CLEC16A: variants seen among roughly 807,000 people sequenced by gnomAD.
CLEC16A encodes the protein C-type lectin domain containing 16A.
In CLEC16A, 51 loss-of-function variants were observed where a neutral mutation model predicts 109.5. The observed-to-expected ratio is 0.47, with a 90% CI of 0.37 to 0.59. CLEC16A has a LOEUF of 0.59. Among genes scored for constraint, CLEC16A ranks in the 20% least tolerant of loss-of-function variants. The pLI, the probability that CLEC16A is intolerant of heterozygous loss-of-function variation, is 0.00. For missense variants in CLEC16A, 1,339 were observed against 1,394.0 expected, an observed-to-expected ratio of 0.96 and a Z score of 0.63; for synonymous variants, 673 against 564.2, an observed-to-expected ratio of 1.19 and a Z score of -2.73.
At chr16:10,945,508 A>G (rs769977016) in intron 1 of CLEC16A, among the ~76,000 whole-genome samples, 30 of 152,104 alleles carry the variant, frequency 2.0e-4, no homozygotes, top group Non-Finnish European at 2.9e-5. Context: ...GGGTCTTGGG[A>G]CCAGGAGTGC....
At chr16:11,155,688 T>C (rs1039187398) in intron 22 of CLEC16A, among the ~76,000 whole-genome samples, 2 of 152,218 alleles carry the variant, frequency 1.3e-5, no homozygotes, top group Non-Finnish European at 2.9e-5. Context: ...TGATGTGTCA[T>C]AGAACGTCAT....
At chr16:11,005,991 GT>G (rs1243064377) in intron 11 of CLEC16A, among the ~76,000 whole-genome samples, 1 of 151,004 alleles carries the variant, frequency 6.6e-6, no homozygotes, top group East Asian at 1.9e-4. Context: ...GTGAAGATAC[GT>G]TGATATTTGC....
Position 11,103,243 on chromosome 16 carries a change from C to G in CLEC16A, c.2117-17372C>G, listed in dbSNP as rs562508124. Among the ~76,000 whole-genome samples the G allele has an allele frequency of 2.6e-5, 4 of 152,322 alleles. No homozygotes were observed. In the East Asian group the frequency reaches 7.7e-4, roughly 30 times the overall value. ...GAGGCCCAGTGGCGCTGCTCTCCACCTCTGCTTGGCCCATTGCTGGGCTTC... is the reference window on the plus strand; with the variant it reads ...GAGGCCCAGTGGCGCTGCTCTCCACGTCTGCTTGGCCCATTGCTGGGCTTC... On this transcript the variant is annotated intron_variant, in intron 19 of 23. Coordinates refer to ENST00000409790, the MANE Select transcript of CLEC16A (RefSeq NM_015226.3).
Position 10,948,282 on chromosome 16 carries a change from T to G in CLEC16A, c.80+3485T>G, listed in dbSNP as rs569349230. 6.6e-5 allele frequency among the ~76,000 whole-genome samples: 10 copies of G among 152,362 alleles called. No homozygotes were observed. In the East Asian group the frequency reaches 1.7e-3, roughly 26 times the overall value. ...TGGAAACTGTTTTTAGCTTCATTAT[T>G]CTTTGTAACACTCCCAGCTTGCAAA... On this transcript the variant is annotated intron_variant, in intron 1 of 23. Transcript: ENST00000409790.
intron 19 of CLEC16A, among the ~76,000 whole-genome samples, chr16:11,114,883 A>T (rs997682158): frequency 3.3e-5 from 5 of 152,334 alleles, no homozygotes; most frequent in Non-Finnish European, 2.9e-5. Flanking sequence ...CAGCCTCTGA[A>T]AAGCGAGAGC....
chr16:11,090,904 A>G (rs1171578555), intron 19 of CLEC16A, among the ~76,000 whole-genome samples: 1 of 146,788 alleles, frequency 6.8e-6, no homozygotes, highest in Non-Finnish European at 1.5e-5. Context: ...TCCTGACCTC[A>G]AGTAATCCAC....
chr16:10,979,459 A>G, intron 9 of CLEC16A, 77 bp downstream of exon 9: 2 of 1,283,230 alleles, frequency 1.6e-6, no homozygotes, highest in East Asian at 2.4e-5. Flanking sequence ...GAAAATCCCC[A>G]GGCCTTATCA....
At chr16:11,171,794 A>G (rs1033062421) in intron 23 of CLEC16A, among the ~76,000 whole-genome samples, 1 of 151,974 alleles carries the variant, frequency 6.6e-6, no homozygotes, top group African/African-American at 2.4e-5. Context: ...ACACATGCCA[A>G]TGCGCATGTT....
At chr16:10,974,705 C>A (rs2146467062) in intron 7 of CLEC16A, among the ~76,000 whole-genome samples, 1 of 152,314 alleles carries the variant, frequency 6.6e-6, no homozygotes, top group African/African-American at 2.4e-5. Flanking sequence ...CCAGGGCAGA[C>A]CCATTGGAGC....
At chr16:10,979,300 T>C (rs1244887854) in intron 8 of CLEC16A, 29 bp from the exon 9 acceptor site, 5 of 1,604,086 alleles carry the variant, frequency 3.1e-6, no homozygotes, top group Non-Finnish European at 3.4e-6. Flanking sequence ...ACCTGATCTC[T>C]CTCTCTCTCT....
chr16:10,964,297 C>A (rs930536116), intron 3 of CLEC16A, among the ~76,000 whole-genome samples: 1 of 152,246 alleles, frequency 6.6e-6, no homozygotes, highest in African/African-American at 2.4e-5. Context: ...TCCCTTGTTA[C>A]CAGCGCCTGT....
At position 10,961,636 on chromosome 16, in the gene CLEC16A, A is replaced by C. The variant is rs115655843; in HGVS notation, c.210-819A>C. On this transcript the variant is annotated intron_variant, in intron 2 of 23. Coordinates refer to ENST00000409790, the MANE Select transcript of CLEC16A (RefSeq NM_015226.3). This position sits in a 1 kb window ranked among gnomAD's most constrained non-coding sequence, Gnocchi z 4.3. ...ACAAGTATCCTATCCACAAGGAGAAAGGCAGAAACAGACCTGGGGATGGGT... is the reference window on the plus strand; with the variant it reads ...ACAAGTATCCTATCCACAAGGAGAACGGCAGAAACAGACCTGGGGATGGGT... Among the ~76,000 whole-genome samples the C allele has an allele frequency of 2.5e-3, 377 of 152,350 alleles. 3 individuals are homozygous for C. The highest frequency in any genetic ancestry group is 8.5e-3 in the African/African-American group (354 of 41,584).
chr16:11,017,954 A>C (rs1478038302), intron 11 of CLEC16A, among the ~76,000 whole-genome samples: 1 of 151,912 alleles, frequency 6.6e-6, no homozygotes, highest in Non-Finnish European at 1.5e-5. Flanking sequence ...AATCTGCCCA[A>C]AGTGTAGAGT....
Position 11,126,102 on chromosome 16 carries a change from C to A in CLEC16A, c.2597C>A (p.Pro866His). 1 of 1,613,924 alleles carries A rather than the reference C, an allele frequency of 6.2e-7. No homozygotes were observed. The highest frequency in any genetic ancestry group is 8.5e-7 in the Non-Finnish European group (1 of 1,179,892). ...CAGGGGCGCCGGGGCAGCAGCGACC[C>A]CACAGTGCAGCGCTCCGTGTTTGCA... ...YDQGRRGSSDPTVQRSVFASV... is the reference protein window; with the variant it reads ...YDQGRRGSSDHTVQRSVFASV... Residue 866 changes from proline (P) to histidine (H), a missense_variant, in exon 22 of 24, where the codon CCC (proline) becomes CAC (histidine). Physicochemically the swap from Pro to His is moderately conservative, Grantham distance 77 (BLOSUM62 -2). Coordinates refer to ENST00000409790, the MANE Select transcript of CLEC16A (RefSeq NM_015226.3).
intron 8 of CLEC16A, among the ~76,000 whole-genome samples, chr16:10,977,938 C>T (rs8055893): frequency 0.13 from 19,806 of 152,016 alleles, 1,257 homozygotes; most frequent in South Asian, 0.15. Context: ...AAAAGATTAC[C>T]GACATCAGGA....
At chr16:10,953,781 C>A (rs930391761) in intron 1 of CLEC16A, among the ~76,000 whole-genome samples, 4 of 152,148 alleles carry the variant, frequency 2.6e-5, no homozygotes, top group African/African-American at 9.7e-5. Context: ...TCGAGACCAT[C>A]CTGGCTAATA....
intron 10 of CLEC16A, among the ~76,000 whole-genome samples, chr16:10,989,825 C>A (rs1442597440): frequency 6.6e-6 from 1 of 152,196 alleles, no homozygotes; most frequent in Non-Finnish European, 1.5e-5. Flanking sequence ...TGTGTGTTTG[C>A]AGATTCAGAG....
At chr16:11,165,404 A>G (rs971084956) in intron 22 of CLEC16A, among the ~76,000 whole-genome samples, 2 of 152,084 alleles carry the variant, frequency 1.3e-5, no homozygotes, top group African/African-American at 4.8e-5. Flanking sequence ...AGGCAGGAAG[A>G]TCACTTGAGC....
intron 11 of CLEC16A, among the ~76,000 whole-genome samples, chr16:11,014,100 C>T (rs2045599005): frequency 6.6e-6 from 1 of 152,212 alleles, no homozygotes; most frequent in Non-Finnish European, 1.5e-5. Flanking sequence ...TAATTCCTGT[C>T]ATCTCTTATA....
Sources: gnomAD v4.1 joint callset for allele counts (sites outside exome capture counted in the v4.1 genomes callset) on GRCh38, gnomAD v4.1.1 for gene constraint, Gnocchi (gnomAD v3.1) non-coding constraint, MANE v1.5 for transcripts, NCBI Gene and HGNC (gene_info 2026-07-23, HGNC 2026-07-21) for gene names.